SLC39A12: variants seen among roughly 807,000 people sequenced by gnomAD.
SLC39A12 encodes zinc transporter ZIP12.
A neutral mutation model predicts 71.1 loss-of-function variants in SLC39A12; 63 were observed. That is an observed-to-expected ratio of 0.89 (90% CI 0.72 to 1.09). The LOEUF is 1.09. SLC39A12 is among the 50% of genes least tolerant of loss of function. The pLI is 0.00. For missense variants in SLC39A12, 892 were observed against 812.6 expected, an observed-to-expected ratio of 1.10 and a Z score of -1.19; for synonymous variants, 351 against 301.3, an observed-to-expected ratio of 1.16 and a Z score of -1.71.
At chr10:18,036,233 G>A (rs560234713) in intron 12 of SLC39A12, among the ~76,000 whole-genome samples, 1 of 152,204 alleles carries the variant, frequency 6.6e-6, no homozygotes, top group African/African-American at 2.4e-5. Context: ...AATGGCGGGC[G>A]CCCCTCCCCC....
chr10:17,996,876 T>C (rs1835697546), intron 10 of SLC39A12, among the ~76,000 whole-genome samples: 1 of 151,816 alleles, frequency 6.6e-6, no homozygotes, highest in Non-Finnish European at 1.5e-5. Flanking sequence ...CGGGCTCCTG[T>C]AGTCCCAGCT....
intron 12 of SLC39A12, among the ~76,000 whole-genome samples, chr10:18,009,437 A>G (rs568110397): frequency 3.3e-4 from 51 of 152,280 alleles, no homozygotes; most frequent in African/African-American, 1.2e-3. Context: ...GAATAGGGGA[A>G]ATATCCAATT....
At chr10:18,039,557 G>C (rs181895434) in intron 12 of SLC39A12, among the ~76,000 whole-genome samples, 1 of 151,992 alleles carries the variant, frequency 6.6e-6, no homozygotes, top group African/African-American at 2.4e-5. Flanking sequence ...GCAAGACCTC[G>C]TCTCTACTAA....
chr10:18,007,062 G>T (rs1041038526), intron 12 of SLC39A12: 1 of 152,264 alleles, frequency 6.6e-6, no homozygotes, highest in Non-Finnish European at 1.5e-5. Flanking sequence ...AAGTCCCTTC[G>T]TGGTGGTAGC....
At chr10:18,034,607 C>G (rs1477560751) in intron 12 of SLC39A12, among the ~76,000 whole-genome samples, 1 of 151,562 alleles carries the variant, frequency 6.6e-6, no homozygotes, top group Non-Finnish European at 1.5e-5. Context: ...ATCCAATTTG[C>G]CAGTCTGTGT....
intron 4 of SLC39A12, among the ~76,000 whole-genome samples, chr10:17,968,443 G>A (rs114769306): frequency 0.014 from 2,062 of 152,172 alleles, 40 homozygotes; most frequent in African/African-American, 0.043. Flanking sequence ...CTTTAAGTGA[G>A]CTTAATCAAA....
intron 4 of SLC39A12, 109 bp from the exon 5 acceptor site, chr10:17,977,793 A>G: frequency 1.2e-6 from 1 of 858,522 alleles, no homozygotes; most frequent in Non-Finnish European, 1.7e-6. Flanking sequence ...GGCTTAAAAA[A>G]TGATAAGAAT....
intron 4 of SLC39A12, among the ~76,000 whole-genome samples, chr10:17,975,324 C>A (rs927215695): frequency 6.6e-6 from 1 of 152,198 alleles, no homozygotes; most frequent in African/African-American, 2.4e-5. Context: ...AGGACCTTGA[C>A]ATAGTACTTG....
intron 12 of SLC39A12, among the ~76,000 whole-genome samples, chr10:18,010,993 T>C (rs1313108802): frequency 6.6e-6 from 1 of 152,200 alleles, no homozygotes; most frequent in Non-Finnish European, 1.5e-5. Flanking sequence ...TTTATTTTCT[T>C]TTCATTTCGT....
At chr10:17,954,021 G>T (rs970852605) in intron 2 of SLC39A12, among the ~76,000 whole-genome samples, 3 of 152,088 alleles carry the variant, frequency 2.0e-5, no homozygotes, top group Non-Finnish European at 4.4e-5. Flanking sequence ...TCATCTTAAC[G>T]ATGAGGAATC....
Position 17,961,811 on chromosome 10 carries a change from A to G in SLC39A12, c.492A>G (p.Thr164=). Residue 164 remains threonine, a synonymous_variant, in exon 3 of 13, where the codon ACA becomes ACG. Coordinates refer to ENST00000377369, the MANE Select transcript of SLC39A12 (RefSeq NM_001145195.2). ...CCTCTTTCCTTTCACAGAATGAGAC[A>G]GAAGATATCTTGGCTTTCACCAGGC... The part of the protein sequence containing the change: ...EDSSFLSQNE[T]EDILAFTRQY... 1 of 1,614,110 alleles carries G rather than the reference A, an allele frequency of 6.2e-7. No individual in the cohort carries two copies. Among genetic ancestry groups the G allele is most frequent in the South Asian group, 1.1e-5 (1 of 91,062 alleles).
intron 10 of SLC39A12, among the ~76,000 whole-genome samples, chr10:17,997,473 A>G (rs910537296): frequency 1.3e-5 from 2 of 152,182 alleles, no homozygotes; most frequent in African/African-American, 4.8e-5. Context: ...AGCTGGGCAC[A>G]TAGTAGGTCT....
intron 1 of SLC39A12, among the ~76,000 whole-genome samples, chr10:17,952,785 C>G (rs1421987794): frequency 6.6e-6 from 1 of 152,060 alleles, no homozygotes; most frequent in African/African-American, 2.4e-5. Context: ...CCGCGCCTGG[C>G]CTAAAACTTT....
rs1435726699 is a variant in SLC39A12, at chr10:18,042,752, T to C, written c.1995T>C (p.Phe665=). 3 of 1,613,242 alleles carry C rather than the reference T, an allele frequency of 1.9e-6. No homozygotes were observed. The highest frequency in any genetic ancestry group is 2.7e-5 in the African/African-American group (2 of 74,890). Residue 665 remains phenylalanine, a synonymous_variant, in exon 13 of 13, where the codon TTT becomes TTC. Coordinates refer to ENST00000377369, the MANE Select transcript of SLC39A12 (RefSeq NM_001145195.2). ...HVQTQRPWMM[F]LLQNFGLILG... ...AAACACAACGACCCTGGATGATGTT[T>C]CTCCTGCAAAACTTTGGATTGATCC...
intron 11 of SLC39A12, chr10:18,001,891 G>T (rs1296567851): frequency 4.7e-5 from 7 of 148,934 alleles, no homozygotes; most frequent in Non-Finnish European, 8.9e-5. Flanking sequence ...TAGTCGTCCT[G>T]TTGTGCTATC....
intron 12 of SLC39A12, among the ~76,000 whole-genome samples, chr10:18,021,438 A>C (rs370258313): frequency 5.5e-4 from 84 of 152,192 alleles, no homozygotes; most frequent in African/African-American, 2.0e-3. Flanking sequence ...TAAGAATAGC[A>C]GCCCCTGCTC....
chr10:18,039,098 C>G (rs1207813677), intron 12 of SLC39A12, among the ~76,000 whole-genome samples: 6 of 152,332 alleles, frequency 3.9e-5, no homozygotes, highest in South Asian at 2.1e-4. Flanking sequence ...GAAAACACTT[C>G]TACTGTGTAC....
At chr10:18,036,323 G>C (rs566166393) in intron 12 of SLC39A12, among the ~76,000 whole-genome samples, 2 of 152,132 alleles carry the variant, frequency 1.3e-5, no homozygotes, top group African/African-American at 2.4e-5. Flanking sequence ...AGGACCCTCC[G>C]AGCCAGGTGT....
At chr10:17,992,837 T>C (rs1490774340) in intron 8 of SLC39A12, among the ~76,000 whole-genome samples, 2 of 152,252 alleles carry the variant, frequency 1.3e-5, no homozygotes, top group African/African-American at 4.8e-5. Flanking sequence ...CTTTACTTGA[T>C]GAATACATTT....
Sources: allele counts gnomAD v4.1 joint callset (sites outside exome capture counted in the v4.1 genomes callset), GRCh38; gene constraint gnomAD v4.1.1; transcripts MANE v1.5; gene names NCBI Gene and HGNC (gene_info 2026-07-23, HGNC 2026-07-21).